Variants in MPPED2 observed in about 807,000 individuals in gnomAD.
MPPED2 encodes the protein metallophosphoesterase domain containing 2.
In MPPED2, 5 loss-of-function variants were observed where a neutral mutation model predicts 33.0. That is an observed-to-expected ratio of 0.15 (90% CI 0.08 to 0.32). MPPED2 has a LOEUF of 0.32. Among genes scored for constraint, MPPED2 ranks in the 10% least tolerant of loss-of-function variants. The pLI is 1.00. For synonymous variants in MPPED2, 136 were observed against 141.9 expected (o/e 0.96, Z 0.29); for missense variants, 275 against 372.1 (o/e 0.74, Z 2.15).
In MPPED2 at chr11:30,580,497, G is replaced by C; in HGVS notation, c.-121-3C>G. The C allele has an allele frequency of 7.3e-7, 1 of 1,378,892 alleles. No individual in the cohort carries two copies. The highest frequency in any genetic ancestry group is 2.0e-5 in the South Asian group (1 of 49,396). 85.4% of individuals were successfully genotyped at this position (1,378,892 alleles called of 1,614,324 possible). On this transcript the variant is annotated splice_polypyrimidine_tract_variant and splice_region_variant and intron_variant, in intron 1 of 6. Coordinates refer to ENST00000358117, the MANE Select transcript of MPPED2 (RefSeq NM_001584.3). ...CTCATCAATACCGCTGTGCATTTCT[G>C]AAAGAAAAAAAAAATGTATATAAAA...
At chr11:30,446,801 G>A (rs993070248) in intron 4 of MPPED2, among the ~76,000 whole-genome samples, 2 of 151,962 alleles carry the variant, frequency 1.3e-5, no homozygotes, top group Non-Finnish European at 2.9e-5. Flanking sequence ...CAAGACTGTC[G>A]GAGCCCCCCC....
At chr11:30,490,177 A>G (rs1266265459) in intron 4 of MPPED2, among the ~76,000 whole-genome samples, 1 of 152,188 alleles carries the variant, frequency 6.6e-6, no homozygotes, top group Admixed American at 6.5e-5. Context: ...CAGAGCTGAG[A>G]GTGAGTCACA....
intron 4 of MPPED2, among the ~76,000 whole-genome samples, chr11:30,465,843 T>A (rs1950686460): frequency 6.6e-6 from 1 of 152,138 alleles, no homozygotes; most frequent in Non-Finnish European, 1.5e-5. Context: ...GAGGGCAGAC[T>A]TTTTGTATAT....
chr11:30,436,972 C>T (rs1158115967), intron 4 of MPPED2, among the ~76,000 whole-genome samples: 1 of 152,144 alleles, frequency 6.6e-6, no homozygotes, highest in African/African-American at 2.4e-5. Flanking sequence ...TGGTGAATGC[C>T]GTGATGGCTG....
At chr11:30,426,115 G>T (rs575951) in intron 4 of MPPED2, among the ~76,000 whole-genome samples, 133,836 of 152,178 alleles carry the variant, frequency 0.88, 58,946 homozygotes, top group East Asian at 0.97. Flanking sequence ...CCAAATTCTT[G>T]TCATCATCCT....
intron 4 of MPPED2, among the ~76,000 whole-genome samples, chr11:30,471,723 C>A (rs997432306): frequency 5.3e-5 from 8 of 152,140 alleles, no homozygotes; most frequent in Non-Finnish European, 5.9e-5. Flanking sequence ...TAGGACTGTG[C>A]CTGACATTAC....
chr11:30,488,723 C>T (rs1590522381), intron 4 of MPPED2, among the ~76,000 whole-genome samples: 2 of 152,180 alleles, frequency 1.3e-5, no homozygotes, highest in African/African-American at 2.4e-5. Context: ...GTAAACAGAG[C>T]CCTGTAACTC....
At chr11:30,398,905 T>A (rs1003432683) in intron 6 of MPPED2, among the ~76,000 whole-genome samples, 2 of 152,116 alleles carry the variant, frequency 1.3e-5, no homozygotes, top group Non-Finnish European at 1.5e-5. Context: ...TGATAATGGT[T>A]ATAAATGTTT....
At chr11:30,558,128 AC>A (rs1956069544) in intron 2 of MPPED2, among the ~76,000 whole-genome samples, 1 of 152,186 alleles carries the variant, frequency 6.6e-6, no homozygotes, top group South Asian at 2.1e-4. Flanking sequence ...ACATGCACAC[AC>A]ACATATACAC....
chr11:30,458,395 C>T (rs1462122758), intron 4 of MPPED2, among the ~76,000 whole-genome samples: 2 of 152,178 alleles, frequency 1.3e-5, no homozygotes, highest in East Asian at 1.9e-4. Context: ...CTAAGTTTCA[C>T]ATCAACCCTC....
intron 2 of MPPED2, among the ~76,000 whole-genome samples, chr11:30,575,200 C>T (rs935807246): frequency 6.6e-6 from 1 of 152,208 alleles, no homozygotes; most frequent in Non-Finnish European, 1.5e-5. Flanking sequence ...GCAACACTGA[C>T]AGATACTACA....
intron 4 of MPPED2, among the ~76,000 whole-genome samples, chr11:30,443,069 A>C (rs1221704263): frequency 6.6e-6 from 1 of 152,074 alleles, no homozygotes; most frequent in Non-Finnish European, 1.5e-5. Context: ...CTTCAGACAC[A>C]ATATAAATTT....
intron 3 of MPPED2, among the ~76,000 whole-genome samples, chr11:30,519,661 G>A (rs183457366): frequency 7.2e-5 from 11 of 152,052 alleles, no homozygotes; most frequent in African/African-American, 2.7e-4. Context: ...TTCACAAAAT[G>A]AAGAATACAC....
At chr11:30,513,344 G>A (rs1267317705) in intron 3 of MPPED2, among the ~76,000 whole-genome samples, 1 of 152,160 alleles carries the variant, frequency 6.6e-6, no homozygotes, top group Non-Finnish European at 1.5e-5. Flanking sequence ...CTTGTCTTCT[G>A]TGCACATCTT....
intron 3 of MPPED2, among the ~76,000 whole-genome samples, chr11:30,521,743 G>A (rs534801159): frequency 9.9e-5 from 15 of 152,206 alleles, no homozygotes; most frequent in East Asian, 1.9e-4. Context: ...AACATCAGTC[G>A]TTTCCACGTG....
intron 2 of MPPED2, among the ~76,000 whole-genome samples, chr11:30,550,331 T>A (rs1955640336): frequency 6.6e-6 from 1 of 152,258 alleles, no homozygotes; most frequent in East Asian, 1.9e-4. Context: ...ACACACTGAG[T>A]ATCTTGAACC....
chr11:30,506,240 T>G (rs1952821321), intron 3 of MPPED2, among the ~76,000 whole-genome samples: 1 of 152,072 alleles, frequency 6.6e-6, no homozygotes, highest in African/African-American at 2.4e-5. Context: ...GGTTTCGCAA[T>G]GTTGGCCAGG....
At chr11:30,473,626 G>A (rs1047825180) in intron 4 of MPPED2, among the ~76,000 whole-genome samples, 1 of 150,616 alleles carries the variant, frequency 6.6e-6, no homozygotes, top group Non-Finnish European at 1.5e-5. Flanking sequence ...TGGACCTAGT[G>A]ACTTGCTTCT....
intron 3 of MPPED2, among the ~76,000 whole-genome samples, chr11:30,502,008 T>A (rs1166864676): frequency 6.6e-6 from 1 of 152,204 alleles, no homozygotes; most frequent in Non-Finnish European, 1.5e-5. Flanking sequence ...AGAGCAGCTA[T>A]GCTTTCCTTG....
Sources: allele counts gnomAD v4.1 joint callset (sites outside exome capture counted in the v4.1 genomes callset), GRCh38; gene constraint gnomAD v4.1.1; transcripts MANE v1.5; gene names NCBI Gene and HGNC (gene_info 2026-07-23, HGNC 2026-07-21).